The following TRAPPC9 variants were observed in gnomAD, a reference collection of about 807,000 sequenced individuals.
TRAPPC9 encodes trafficking protein particle complex subunit 9, also known as IKK2 binding protein.
Under a neutral mutation model 124.0 loss-of-function variants are expected in TRAPPC9, and 83 were observed. That is an observed-to-expected ratio of 0.67 (90% CI 0.56 to 0.80). TRAPPC9 has a LOEUF of 0.80. Among genes scored for constraint, TRAPPC9 ranks in the 30% least tolerant of loss-of-function variants. The probability of loss-of-function intolerance (pLI) is 0.00; values close to 1 mark genes in which losing one functional copy is unlikely to be tolerated. For synonymous variants in TRAPPC9, 638 were observed against 617.5 expected, an observed-to-expected ratio of 1.03 and a Z score of -0.49; for missense variants, 1,302 against 1,508.3, an observed-to-expected ratio of 0.86 and a Z score of 2.27.
chr8:140,070,445 A>G (rs930808276), intron 17 of TRAPPC9, among the ~76,000 whole-genome samples: 2 of 152,218 alleles, frequency 1.3e-5, no homozygotes, highest in African/African-American at 4.8e-5. Context: ...ATACATACGC[A>G]TATATATAAT....
intron 21 of TRAPPC9, among the ~76,000 whole-genome samples, chr8:139,813,837 C>A (rs184602114): frequency 2.0e-5 from 3 of 152,292 alleles, no homozygotes; most frequent in Non-Finnish European, 4.4e-5. Flanking sequence ...ATGGTGACAG[C>A]GCCAGGGCAG....
chr8:139,762,695 C>A (rs530992147), intron 21 of TRAPPC9, among the ~76,000 whole-genome samples: 2 of 152,224 alleles, frequency 1.3e-5, no homozygotes, highest in Non-Finnish European at 1.5e-5. Context: ...TAATTTAATC[C>A]TCTCCACTGC....
In TRAPPC9 at chr8:139,822,182, G is replaced by A. The variant is rs150510394; in HGVS notation, c.3055+63697C>T. Among the ~76,000 whole-genome samples the A allele has an allele frequency of 3.1e-3, 469 of 152,204 alleles. 4 individuals carry two copies. Among genetic ancestry groups the A allele is most frequent in the African/African-American group, 0.011 (445 of 41,534 alleles). On this transcript the variant is annotated intron_variant, in intron 21 of 22. Coordinates refer to ENST00000438773, the MANE Select transcript of TRAPPC9 (RefSeq NM_001160372.4). ...GTGGGCCAGGCCGTGGGGGAGGAGA[G>A]GTGACTTCCTCAGTCCCTTCCTCAA...
At chr8:139,999,629 T>C (rs1468370267) in intron 18 of TRAPPC9, among the ~76,000 whole-genome samples, 1 of 151,356 alleles carries the variant, frequency 6.6e-6, no homozygotes, top group South Asian at 2.1e-4. Context: ...ACTTCCCAAG[T>C]GCACAGCAAC....
intron 2 of TRAPPC9, among the ~76,000 whole-genome samples, chr8:140,439,443 A>G (rs917631980): frequency 6.6e-5 from 10 of 152,220 alleles, no homozygotes; most frequent in Non-Finnish European, 7.3e-5. Flanking sequence ...CATGTCTTTC[A>G]CGTAGGCAAT....
In TRAPPC9 at chr8:139,836,437, C is replaced by G. The variant is rs574060000; in HGVS notation, c.3055+49442G>C. On this transcript the variant is annotated intron_variant, in intron 21 of 22. Coordinates refer to ENST00000438773, the MANE Select transcript of TRAPPC9 (RefSeq NM_001160372.4). ...CTGCAATTCTCCCCAGGGGCAAGTG[C>G]ATGGGAAGCCGCTGGGGGGACCTGG... 1.0e-4 allele frequency among the ~76,000 whole-genome samples: 15 copies of G among 144,932 alleles called. No individual in the cohort carries two copies. In the South Asian group the frequency reaches 3.2e-3, roughly 31 times the overall value.
At chr8:140,223,819 G>T (rs2063390193) in intron 16 of TRAPPC9, among the ~76,000 whole-genome samples, 1 of 151,664 alleles carries the variant, frequency 6.6e-6, no homozygotes, top group Non-Finnish European at 1.5e-5. Flanking sequence ...CAATTTTCAG[G>T]ATGACAAACA....
intron 21 of TRAPPC9, among the ~76,000 whole-genome samples, chr8:139,782,285 TAGG>T (rs1821883396): frequency 6.6e-6 from 1 of 151,984 alleles, no homozygotes; most frequent in Admixed American, 6.6e-5. Context: ...GAGGCTAAAG[TAGG>T]AGAATCAGTT....
intron 17 of TRAPPC9, among the ~76,000 whole-genome samples, chr8:140,181,707 G>A (rs747141128): frequency 3.3e-5 from 5 of 151,882 alleles, no homozygotes; most frequent in South Asian, 2.1e-4. Context: ...TATCAAACAG[G>A]GTTCTTTAAA....
intron 17 of TRAPPC9, among the ~76,000 whole-genome samples, chr8:140,083,940 C>A (rs1214429878): frequency 2.6e-5 from 4 of 152,174 alleles, no homozygotes; most frequent in Non-Finnish European, 4.4e-5. Flanking sequence ...GCTGGGATTA[C>A]AGGCATGAGC....
intron 17 of TRAPPC9, among the ~76,000 whole-genome samples, chr8:140,106,215 C>T (rs112090430): frequency 7.2e-5 from 11 of 152,112 alleles, no homozygotes; most frequent in African/African-American, 1.4e-4. Context: ...GCCATCAGAT[C>T]GTGCCATCAG....
intron 19 of TRAPPC9, among the ~76,000 whole-genome samples, chr8:139,913,590 A>G (rs1831898094): frequency 6.6e-6 from 1 of 152,214 alleles, no homozygotes; most frequent in Admixed American, 6.5e-5. Context: ...CCCTGCCTCC[A>G]ACAGGCCTGC....
At chr8:140,202,517 C>T (rs188137537) in intron 17 of TRAPPC9, among the ~76,000 whole-genome samples, 160 of 152,128 alleles carry the variant, frequency 1.1e-3, no homozygotes, top group African/African-American at 3.6e-3. Flanking sequence ...CTAAAATTTA[C>T]AATAAAAGGC....
chr8:140,331,747 A>G (rs1308675042), intron 9 of TRAPPC9, among the ~76,000 whole-genome samples: 1 of 152,200 alleles, frequency 6.6e-6, no homozygotes, highest in African/African-American at 2.4e-5. Flanking sequence ...ACTAATCATC[A>G]GGGAAATGCA....
chr8:139,731,902 A>C, intron 22 of TRAPPC9, 77 bp downstream of exon 22: 8 of 1,380,754 alleles, frequency 5.8e-6, no homozygotes, highest in Non-Finnish European at 8.1e-6. Context: ...CTGACCCCAA[A>C]GCCCACCACC....
At chr8:140,301,664 G>A (rs567136182) in intron 10 of TRAPPC9, among the ~76,000 whole-genome samples, 39 of 152,336 alleles carry the variant, frequency 2.6e-4, no homozygotes, top group African/African-American at 8.7e-4. Context: ...GACACTGATC[G>A]TGATAAATCT....
At chr8:139,882,943 G>GC (rs1448435015) in intron 21 of TRAPPC9, among the ~76,000 whole-genome samples, 2 of 152,238 alleles carry the variant, frequency 1.3e-5, no homozygotes, top group African/African-American at 4.8e-5. Context: ...AAATCCCTGA[G>GC]CCCCCCTATG....
At chr8:140,256,137 T>C (rs1419880067) in intron 15 of TRAPPC9, among the ~76,000 whole-genome samples, 1 of 152,250 alleles carries the variant, frequency 6.6e-6, no homozygotes, top group Non-Finnish European at 1.5e-5. Flanking sequence ...TGGTATTTCA[T>C]GATGACAACA....
chr8:140,307,605 C>T (rs1255624489), intron 10 of TRAPPC9, among the ~76,000 whole-genome samples: 9 of 152,196 alleles, frequency 5.9e-5, no homozygotes, highest in Admixed American at 4.6e-4. Flanking sequence ...GAATTTCTGA[C>T]CCCATTCTCC....
Sources: gnomAD v4.1 joint callset for allele counts (sites outside exome capture counted in the v4.1 genomes callset) on GRCh38, gnomAD v4.1.1 for gene constraint, MANE v1.5 for transcripts, NCBI Gene and HGNC (gene_info 2026-07-23, HGNC 2026-07-21) for gene names.